The following RALGAPA2 variants were observed in gnomAD, a reference collection of about 807,000 sequenced individuals.
RALGAPA2 encodes the protein ral GTPase-activating protein subunit alpha-2.
A neutral mutation model predicts 230.4 loss-of-function variants in RALGAPA2; 139 were observed. The observed-to-expected ratio is 0.60, with a 90% CI of 0.53 to 0.69. The LOEUF (loss-of-function observed/expected upper bound fraction) is 0.69, where lower values mean the gene tolerates loss of function less well. Among genes scored for constraint, RALGAPA2 ranks in the 30% least tolerant of loss-of-function variants. RALGAPA2 has a pLI of 0.00. For synonymous variants in RALGAPA2, 847 were observed against 837.8 expected (o/e 1.01, Z -0.19); for missense variants, 2,163 against 2,276.0 (o/e 0.95, Z 1.01).
chr20:20,524,118 G>A lies in RALGAPA2; in HGVS notation c.3900+288C>T, dbSNP rs372941150. Among the ~76,000 whole-genome samples the A allele has an allele frequency of 4.6e-5, 7 of 152,166 alleles. No individual in the cohort carries two copies. The East Asian group carries it at 9.7e-4, about 21-fold the overall frequency. On this transcript the variant is annotated intron_variant, in intron 30 of 39. Transcript: ENST00000202677. ...CCTACAGGCACCCGCCACCACGCCC[G>A]GCTAATTTTTTGTACTTTTAGTAGA...
chr20:20,412,252 A>G, intron 37 of RALGAPA2, 104 bp from the exon 38 acceptor site: 1 of 1,424,614 alleles, frequency 7.0e-7, no homozygotes, highest in Non-Finnish European at 9.7e-7. Flanking sequence ...TGTGTAAAAA[A>G]GTATCCTGCA....
At chr20:20,619,880 G>A (rs1210708942) in intron 11 of RALGAPA2, among the ~76,000 whole-genome samples, 2 of 152,174 alleles carry the variant, frequency 1.3e-5, no homozygotes, top group Non-Finnish European at 2.9e-5. Context: ...TGTCACTTAA[G>A]TTTCTTTTGT....
At chr20:20,680,830 A>G in intron 1 of RALGAPA2, 29 bp from the exon 2 acceptor site, 2 of 1,531,226 alleles carry the variant, frequency 1.3e-6, no homozygotes, top group Non-Finnish European at 1.7e-6. Context: ...CATTTATGAC[A>G]ATTCACTTTA....
chr20:20,631,769 T>C (rs73294716), intron 9 of RALGAPA2, among the ~76,000 whole-genome samples: 1,546 of 152,294 alleles, frequency 0.01, 25 homozygotes, highest in African/African-American at 0.035. Flanking sequence ...CAACTTACTG[T>C]GAGGTATAGT....
chr20:20,708,627 T>G (rs891667017), intron 1 of RALGAPA2, among the ~76,000 whole-genome samples: 1 of 152,222 alleles, frequency 6.6e-6, no homozygotes, highest in African/African-American at 2.4e-5. Context: ...CCTTCCTTTA[T>G]AAATTACCCA....
rs1036371202 is a variant in RALGAPA2 at position 20,572,862 on chromosome 20, T to C, written c.2901+13A>G. ...TCCTGGATTAGAATAAAAAGTAACA[T>C]AGCAGAACTTACCTTTGCTAGTTTG... On this transcript the variant is annotated intron_variant, in intron 21 of 39. Transcript: ENST00000202677. The C allele has an allele frequency of 1.4e-5, 21 of 1,497,206 alleles. No individual in the cohort carries two copies. The highest frequency in any genetic ancestry group is 1.8e-5 in the Non-Finnish European group (20 of 1,110,302). 92.7% of individuals were successfully genotyped at this position (1,497,206 alleles called of 1,614,324 possible). A position where few individuals can be genotyped will look rare whatever the true frequency, so the allele number is the denominator to read the frequency against.
chr20:20,452,525 G>A (rs191600001), intron 37 of RALGAPA2, among the ~76,000 whole-genome samples: 3 of 152,342 alleles, frequency 2.0e-5, no homozygotes, highest in Non-Finnish European at 2.9e-5. Context: ...TCCTCCCGGC[G>A]GCGAGGACAG....
chr20:20,613,841 A>G (rs1023786559), intron 13 of RALGAPA2, among the ~76,000 whole-genome samples: 1 of 149,248 alleles, frequency 6.7e-6, no homozygotes, highest in African/African-American at 2.5e-5. Flanking sequence ...GACGGAAAAA[A>G]CTCCCCGTCT....
intron 24 of RALGAPA2, among the ~76,000 whole-genome samples, chr20:20,537,100 G>A (rs2063517773): frequency 6.6e-6 from 1 of 152,132 alleles, no homozygotes; most frequent in Admixed American, 6.5e-5. Context: ...CAACAAAGCA[G>A]GGTAAAGGAT....
At position 20,415,529 on chromosome 20, in the gene RALGAPA2, A is replaced by G. The variant is rs75290738; in HGVS notation, c.5496-3381T>C. 9.6e-3 allele frequency among the ~76,000 whole-genome samples: 1,463 copies of G among 152,296 alleles called. 29 individuals carry two copies. The highest frequency in any genetic ancestry group is 0.033 in the African/African-American group (1,390 of 41,550). The stretch of plus-strand genomic sequence containing the variant: ...CATTCAAATTACTGACCAGAAACCC[A>G]TCTTGGCTTCTGGACATTTCTCAGT... On this transcript the variant is annotated intron_variant, in intron 37 of 39. Transcript: ENST00000202677.
Position 20,402,211 on chromosome 20 carries a change from T to C in RALGAPA2, c.5618-5477A>G, listed in dbSNP as rs553528568. ...CATTCCTCAACTGTCAGAGAAATCTTGCCCCATGGGAGGGGGGACTCTGGG... is the reference window on the plus strand; with the variant it reads ...CATTCCTCAACTGTCAGAGAAATCTCGCCCCATGGGAGGGGGGACTCTGGG... On this transcript the variant is annotated intron_variant, in intron 38 of 39. Coordinates refer to ENST00000202677, the MANE Select transcript of RALGAPA2 (RefSeq NM_020343.4). Among the ~76,000 whole-genome samples the C allele has an allele frequency of 2.6e-4, 39 of 152,330 alleles. No homozygotes were observed. In the South Asian group the frequency reaches 7.5e-3, roughly 29 times the overall value.
At chr20:20,500,060 T>A (rs1365794884) in intron 35 of RALGAPA2, among the ~76,000 whole-genome samples, 2 of 152,196 alleles carry the variant, frequency 1.3e-5, no homozygotes, top group African/African-American at 2.4e-5. Flanking sequence ...AATAAAAAAA[T>A]TTTATTGCTA....
intron 35 of RALGAPA2, among the ~76,000 whole-genome samples, chr20:20,501,024 A>G (rs2062358700): frequency 6.6e-6 from 1 of 152,220 alleles, no homozygotes; most frequent in Admixed American, 6.5e-5. Context: ...GCCATGCTCT[A>G]AACAGACGTG....
intron 38 of RALGAPA2, among the ~76,000 whole-genome samples, chr20:20,408,235 C>T (rs549627582): frequency 2.0e-5 from 3 of 152,332 alleles, no homozygotes; most frequent in South Asian, 4.1e-4. Flanking sequence ...AATCTATCAA[C>T]TTCTGACAAA....
intron 1 of RALGAPA2, among the ~76,000 whole-genome samples, chr20:20,708,337 T>G (rs1259231435): frequency 6.6e-6 from 1 of 152,220 alleles, no homozygotes; most frequent in Non-Finnish European, 1.5e-5. Context: ...AACGTTGATA[T>G]GATTTGGCTG....
At chr20:20,701,549 C>T (rs1362073182) in intron 1 of RALGAPA2, among the ~76,000 whole-genome samples, 3 of 151,886 alleles carry the variant, frequency 2.0e-5, no homozygotes, top group African/African-American at 4.8e-5. Flanking sequence ...AGAGCCTGGC[C>T]AACATGGTGA....
At chr20:20,522,457 A>G (rs1307862214) in intron 30 of RALGAPA2, among the ~76,000 whole-genome samples, 1 of 152,216 alleles carries the variant, frequency 6.6e-6, no homozygotes, top group East Asian at 1.9e-4. Flanking sequence ...ATGTCAGACA[A>G]AAGAGGATAT....
Position 20,524,430 on chromosome 20 carries a change from GGC to G in RALGAPA2, c.3874_3875del (p.Ala1292ProfsTer32), listed in dbSNP as rs780602976. On this transcript the variant is annotated frameshift_variant, in exon 30 of 40. Coordinates refer to ENST00000202677, the MANE Select transcript of RALGAPA2 (RefSeq NM_020343.4). LOFTEE classifies it high-confidence loss of function. ...CCCTGTAGATATAATCCAGCAAGGG[GGC>G]TCTGGCCGAATGCTGCTCCTCTAGG... ...AVLEEQHSAR[A>X]PLLDYIYRVL... 1.2e-6 allele frequency: 2 copies of G among 1,613,762 alleles called. No homozygotes were observed. The highest frequency in any genetic ancestry group is 1.3e-5 in the African/African-American group (1 of 74,914).
At chr20:20,571,987 C>A in intron 21 of RALGAPA2, 41 bp from the exon 22 acceptor site, 2 of 1,366,046 alleles carry the variant, frequency 1.5e-6, no homozygotes, top group Non-Finnish European at 2.1e-6. Context: ...GGTAACATTA[C>A]GTTTATCCCA....
Sources: allele counts gnomAD v4.1 joint callset (sites outside exome capture counted in the v4.1 genomes callset), GRCh38; gene constraint gnomAD v4.1.1; transcripts MANE v1.5; gene names NCBI Gene and HGNC (gene_info 2026-07-23, HGNC 2026-07-21).